NFKBIZ: variants seen among roughly 807,000 people sequenced by gnomAD.
NFKBIZ encodes the protein NFKB inhibitor zeta, also known as NF-kappa-B inhibitor zeta.
Under a neutral mutation model 76.8 loss-of-function variants are expected in NFKBIZ, and 19 were observed. That is an observed-to-expected ratio of 0.25 (90% confidence interval 0.17 to 0.36). The LOEUF (loss-of-function observed/expected upper bound fraction) is 0.36. NFKBIZ is among the 10% of genes least tolerant of loss of function. NFKBIZ has a pLI of 1.00. For synonymous variants in NFKBIZ, 368 were observed against 354.8 expected (o/e 1.04, Z -0.42); for missense variants, 829 against 910.9 (o/e 0.91, Z 1.16).
At chr3:101,837,357 G>A (rs74926682) in intron 2 of NFKBIZ, among the ~76,000 whole-genome samples, 3,128 of 151,972 alleles carry the variant, frequency 0.021, 143 homozygotes, top group African/African-American at 0.072. Flanking sequence ...CAGCAGATGG[G>A]GAATTCCTCC....
At position 101,855,453 on chromosome 3, in the gene NFKBIZ, A is replaced by G. The variant is rs1312313517; in HGVS notation, c.1649A>G (p.Tyr550Cys). Reference sequence around the variant, plus strand: ...TTTGTGGATCTTGAGGCAACTAACTATGATGGTAAGCAACTGAAACTTTAT... The same window carrying G: ...TTTGTGGATCTTGAGGCAACTAACTGTGATGGTAAGCAACTGAAACTTTAT... ...NQFVDLEATN[Y>C]DGLTPLHCAV... Residue 550 changes from tyrosine (Y) to cysteine (C), a missense_variant, in exon 8 of 12, where the codon TAT (tyrosine) becomes TGT (cysteine). Physicochemically the swap from Tyr to Cys is radical, Grantham distance 194. This residue lies in a region of NFKBIZ where 272 missense variants were observed against 384.2 expected (regional missense o/e 0.71). Coordinates refer to ENST00000326172, the MANE Select transcript of NFKBIZ (RefSeq NM_031419.4). 6.2e-7 allele frequency: 1 copy of G among 1,613,934 alleles called. No homozygotes were observed. Among genetic ancestry groups the G allele is most frequent in the Non-Finnish European group, 8.5e-7 (1 of 1,179,802 alleles).
In NFKBIZ at chr3:101,859,477, CT is replaced by C; in HGVS notation, c.*107del. ...TTATATTGGCAAATGTAAGTTGTTTCTATGAAACAAACATATTTAGTTCACT... is the reference window on the plus strand; with the variant it reads ...TTATATTGGCAAATGTAAGTTGTTTCATGAAACAAACATATTTAGTTCACT... On this transcript the variant is annotated 3_prime_UTR_variant, in exon 12 of 12. Transcript: ENST00000326172. 1.2e-6 allele frequency: 1 copy of C among 840,248 alleles called. No homozygotes were observed. Among genetic ancestry groups the C allele is most frequent in the Non-Finnish European group, 2.0e-6 (1 of 506,884 alleles). 52.0% of individuals were successfully genotyped at this position (840,248 alleles called of 1,614,324 possible).
At chr3:101,838,493 TG>T (rs1942750943) in intron 2 of NFKBIZ, among the ~76,000 whole-genome samples, 1 of 152,222 alleles carries the variant, frequency 6.6e-6, no homozygotes, top group Admixed American at 6.5e-5. Context: ...TTTTAGGTTT[TG>T]TGGGCCAAGA....
chr3:101,833,469 T>A (rs1942674725), intron 2 of NFKBIZ, among the ~76,000 whole-genome samples: 2 of 152,334 alleles, frequency 1.3e-5, no homozygotes, highest in South Asian at 4.1e-4. Context: ...TATTTTTTAA[T>A]CATAACAGCT....
chr3:101,836,865 AGT>A (rs967533022), intron 2 of NFKBIZ, among the ~76,000 whole-genome samples: 2 of 152,224 alleles, frequency 1.3e-5, no homozygotes, highest in African/African-American at 2.4e-5. Flanking sequence ...ATGACAAAGT[AGT>A]TATGACTCTC....
At chr3:101,835,535 C>T (rs1228185558) in intron 2 of NFKBIZ, among the ~76,000 whole-genome samples, 2 of 152,148 alleles carry the variant, frequency 1.3e-5, no homozygotes, top group Admixed American at 6.5e-5. Context: ...TTGGTTTCTC[C>T]GAGGCCTCTC....
chr3:101,857,484 A>G lies in NFKBIZ; in HGVS notation c.2103+25A>G, dbSNP rs370323077. 19 of 1,612,622 alleles carry G rather than the reference A, an allele frequency of 1.2e-5. No individual in the cohort carries two copies. In the African/African-American group the frequency reaches 2.3e-4, roughly 19 times the overall value. Reference sequence around the variant, plus strand: ...GGTGAGAGGCACAGGAGGGAGAGGAAGTATTTTTTGGCACTGCAGTCTGAA... The same window carrying G: ...GGTGAGAGGCACAGGAGGGAGAGGAGGTATTTTTTGGCACTGCAGTCTGAA... On this transcript the variant is annotated intron_variant, in intron 11 of 11. Coordinates refer to ENST00000326172, the MANE Select transcript of NFKBIZ (RefSeq NM_031419.4).
intron 2 of NFKBIZ, among the ~76,000 whole-genome samples, chr3:101,841,481 G>A (rs1156457260): frequency 1.3e-5 from 2 of 152,120 alleles, no homozygotes; most frequent in Non-Finnish European, 2.9e-5. Context: ...CTGAGGTACC[G>A]CTGTGCCCCA....
At chr3:101,857,552 T>C (rs760860523) in intron 11 of NFKBIZ, 93 bp downstream of exon 11, 147 of 1,561,068 alleles carry the variant, frequency 9.4e-5, no homozygotes, top group Non-Finnish European at 1.2e-4. Flanking sequence ...GGCCAGCTGT[T>C]GCTCTTCAGG....
chr3:101,855,759 A>T lies in NFKBIZ; in HGVS notation c.1681A>T (p.Ile561Leu), dbSNP rs774557729. The change falls in exon 9 of 12, where the codon ATA (isoleucine) becomes TTA (leucine). Residue 561 changes from isoleucine (I) to leucine (L), a missense_variant. Physicochemically the swap from Ile to Leu is conservative, Grantham distance 5. This residue lies in a region of NFKBIZ where 272 missense variants were observed against 384.2 expected (regional missense o/e 0.71). Transcript: ENST00000326172. ...DGLTPLHCAV[I>L]AHNAVVHELQ... The stretch of plus-strand genomic sequence containing the variant: ...CCTGACTCCCCTTCACTGTGCAGTC[A>T]TAGCCCACAATGCTGTGGTCCATGA... 1 of 1,611,662 alleles carries T rather than the reference A, an allele frequency of 6.2e-7. No homozygotes were observed. The highest frequency in any genetic ancestry group is 8.5e-7 in the Non-Finnish European group (1 of 1,179,218).
intron 5 of NFKBIZ, 53 bp from the exon 6 acceptor site, chr3:101,854,525 C>G: frequency 1.1e-6 from 1 of 884,522 alleles, no homozygotes; most frequent in Non-Finnish European, 1.7e-6. Flanking sequence ...TTCAAAAGAA[C>G]AACTTAGTGA....
In NFKBIZ at chr3:101,853,287, G is replaced by T; in HGVS notation, c.761G>T (p.Cys254Phe). 2 of 1,614,178 alleles carry T rather than the reference G, an allele frequency of 1.2e-6. No homozygotes were observed. The highest frequency in any genetic ancestry group is 2.2e-5 in the South Asian group (2 of 91,088). ...CCTCAGAGCTCCCCCGCAGAGCAGT[G>T]TCAGGACTTCCATGGAGGGCAGGTC... ...VVPQSSPAEQ[C>F]QDFHGGQVFS... Residue 254 changes from cysteine to phenylalanine, a missense_variant, in exon 5 of 12, where the codon TGT becomes TTT. Cys to Phe is a radical substitution (Grantham distance 205). Transcript: ENST00000326172.
At chr3:101,854,932 A>G (rs1028471831) in intron 6 of NFKBIZ, 130 bp from the exon 7 acceptor site, 5 of 1,040,022 alleles carry the variant, frequency 4.8e-6, no homozygotes, top group African/African-American at 1.6e-5. Context: ...GTCTTACAGT[A>G]TCTGATTGCT....
chr3:101,849,726 G>C lies in NFKBIZ; in HGVS notation c.98G>C (p.Ser33Thr). The C allele has an allele frequency of 6.9e-7, 1 of 1,450,138 alleles. No individual in the cohort carries two copies. Among genetic ancestry groups the C allele is most frequent in the South Asian group, 1.3e-5 (1 of 74,352 alleles). 89.8% of individuals were successfully genotyped at this position (1,450,138 alleles called of 1,614,324 possible). The change falls in exon 1 of 12, where the codon AGC (serine) becomes ACC (threonine). Residue 33 changes from serine (S) to threonine (T), a missense_variant. Transcript: ENST00000326172. ...CGLMTSPLNL[S>T]YFYGASPPAA... ...CTCATGACCAGCCCGCTCAACCTGA[G>C]CTACTTCTACGGCGCGTCGCCGCCC...
At chr3:101,851,654 C>G (rs1246159243) in intron 1 of NFKBIZ, among the ~76,000 whole-genome samples, 2 of 152,202 alleles carry the variant, frequency 1.3e-5, no homozygotes, top group Non-Finnish European at 2.9e-5. Flanking sequence ...TTATCACTTG[C>G]TCCCCAAAGT....
intron 2 of NFKBIZ, among the ~76,000 whole-genome samples, chr3:101,831,716 C>T (rs1942650482): frequency 6.6e-6 from 1 of 151,984 alleles, no homozygotes; most frequent in Non-Finnish European, 1.5e-5. Context: ...TCTTGGCTCA[C>T]TGCAAACTCC....
chr3:101,841,378 A>G (rs1942783052), intron 2 of NFKBIZ, among the ~76,000 whole-genome samples: 1 of 152,234 alleles, frequency 6.6e-6, no homozygotes, highest in Admixed American at 6.5e-5. Context: ...ATGTCTCAGA[A>G]GTAGTAATTG....
At chr3:101,845,193 G>A (rs1484880367), upstream of NFKBIZ, among the ~76,000 whole-genome samples, 2 of 151,804 alleles carry the variant, frequency 1.3e-5, no homozygotes, top group African/African-American at 2.4e-5. Flanking sequence ...GCGTGAACCC[G>A]GGAGGCGGAG....
intron 2 of NFKBIZ, among the ~76,000 whole-genome samples, chr3:101,838,411 C>T (rs888655253): frequency 6.6e-6 from 1 of 152,184 alleles, no homozygotes; most frequent in South Asian, 2.1e-4. Flanking sequence ...CATGACACTG[C>T]AGTGCCTCTA....
Sources: allele counts gnomAD v4.1 joint callset (sites outside exome capture counted in the v4.1 genomes callset), GRCh38; gene constraint gnomAD v4.1.1; regional missense constraint gnomAD v4.1.1; transcripts MANE v1.5; gene names NCBI Gene and HGNC (gene_info 2026-07-23, HGNC 2026-07-21).